The following NCK2 variants were observed in gnomAD, a reference collection of about 807,000 sequenced individuals.
NCK2 encodes NCK adaptor protein 2.
NCK2 carries 16 observed loss-of-function variants against 33.9 expected under a neutral mutation model. The ratio of observed to expected loss-of-function variants is 0.47; its 90% CI spans 0.32 to 0.72. NCK2 has a LOEUF of 0.72. Among genes scored for constraint, NCK2 ranks in the 30% least tolerant of loss-of-function variants. The pLI is 0.03. For missense variants in NCK2, 418 were observed against 537.3 expected (o/e 0.78, Z 2.19); for synonymous variants, 273 against 239.9 (o/e 1.14, Z -1.27).
At chr2:105,769,794 G>A (rs940590221) in intron 1 of NCK2, among the ~76,000 whole-genome samples, 1 of 115,018 alleles carries the variant, frequency 8.7e-6, no homozygotes. Flanking sequence ...TCAGTAAAAG[G>A]AGTTGTAGAA....
chr2:105,745,565 G>A (rs2104313543), intron 1 of NCK2, among the ~76,000 whole-genome samples: 1 of 152,304 alleles, frequency 6.6e-6, no homozygotes, highest in African/African-American at 2.4e-5. Flanking sequence ...AGGGTCGCCA[G>A]GGCGCGTGTG....
chr2:105,881,745 A>G lies in NCK2; in HGVS notation c.644A>G (p.Asn215Ser), dbSNP rs775361933. Reference sequence around the variant, plus strand: ...AGCTCAGTCACCGAGGAGGAGCTCAACTTCGAGAAGGGGGAGACCATGGAG... The same window carrying G: ...AGCTCAGTCACCGAGGAGGAGCTCAGCTTCGAGAAGGGGGAGACCATGGAG... ...PFSSVTEEEL[N>S]FEKGETMEVI... Residue 215 changes from asparagine to serine, a missense_variant, in exon 4 of 5, where the codon AAC (asparagine) becomes AGC (serine). Transcript: ENST00000233154. 11 of 1,614,066 alleles carry G rather than the reference A, an allele frequency of 6.8e-6. No individual in the cohort carries two copies. Among genetic ancestry groups the G allele is most frequent in the Non-Finnish European group, 6.8e-6 (8 of 1,180,032 alleles).
chr2:105,772,420 C>T (rs1282012195), intron 1 of NCK2, among the ~76,000 whole-genome samples: 1 of 152,082 alleles, frequency 6.6e-6, no homozygotes, highest in Middle Eastern at 3.2e-3. Flanking sequence ...GGAATGTGGG[C>T]ATAGTCCTGG....
Position 105,744,997 on chromosome 2 carries a change from T to G in NCK2, c.-342T>G, listed in dbSNP as rs1689220895. ...GCTCGCGGCGCCCGGGCCGGCAGGG[T>G]CCGCCCGGGCCGGCAGCGTCCGCCC... is the stretch of plus-strand genomic sequence containing the variant. On this transcript the variant is annotated 5_prime_UTR_variant, in exon 1 of 5. Coordinates refer to ENST00000233154, the MANE Select transcript of NCK2 (RefSeq NM_003581.5). The G allele has an allele frequency of 7.5e-6, 1 of 133,254 alleles. No individual in the cohort carries two copies. Among genetic ancestry groups the G allele is most frequent in the South Asian group, 2.2e-4 (1 of 4,502 alleles). The allele number at this position is 133,254 out of a possible 1,614,324, so 8.3% of individuals were successfully genotyped here.
intron 3 of NCK2, among the ~76,000 whole-genome samples, chr2:105,860,036 GT>G (rs1332971086): frequency 1.3e-5 from 2 of 152,198 alleles, no homozygotes; most frequent in Non-Finnish European, 2.9e-5. Flanking sequence ...TGTAATCCCA[GT>G]GCTTTGGGAG....
At chr2:105,802,241 G>A (rs143851031) in intron 1 of NCK2, among the ~76,000 whole-genome samples, 2 of 152,318 alleles carry the variant, frequency 1.3e-5, no homozygotes, top group African/African-American at 2.4e-5. Context: ...CCCTCTACCT[G>A]TACTCAGAAA....
chr2:105,818,480 C>G (rs1046459649), intron 2 of NCK2, among the ~76,000 whole-genome samples: 2 of 151,736 alleles, frequency 1.3e-5, no homozygotes, highest in Admixed American at 6.6e-5. Context: ...AAGATTTTTC[C>G]TGTACATCTT....
chr2:105,817,593 A>G (rs1440036856), intron 2 of NCK2, among the ~76,000 whole-genome samples: 1 of 152,200 alleles, frequency 6.6e-6, no homozygotes, highest in East Asian at 1.9e-4. Flanking sequence ...AAGAAAAAAA[A>G]CAACCCCATC....
intron 2 of NCK2, among the ~76,000 whole-genome samples, chr2:105,841,867 G>A (rs1279822070): frequency 1.3e-5 from 2 of 152,152 alleles, no homozygotes; most frequent in Non-Finnish European, 2.9e-5. Context: ...ATTAGAGGAT[G>A]GAAAAGAAAG....
intron 2 of NCK2, among the ~76,000 whole-genome samples, chr2:105,833,722 T>A (rs1676285734): frequency 6.6e-6 from 1 of 152,140 alleles, no homozygotes; most frequent in African/African-American, 2.4e-5. Context: ...TTCTACTAAT[T>A]TTGGGTTTGG....
At chr2:105,852,071 C>T (rs1013562898) in intron 2 of NCK2, among the ~76,000 whole-genome samples, 1 of 152,094 alleles carries the variant, frequency 6.6e-6, no homozygotes, top group East Asian at 1.9e-4. Context: ...TTGGAATAAG[C>T]CTATCAAAAT....
intron 2 of NCK2, chr2:105,848,590 A>G (rs1181099733): frequency 6.6e-6 from 1 of 152,176 alleles, no homozygotes; most frequent in Non-Finnish European, 1.5e-5. Context: ...AGCAGTGCAC[A>G]CGGCCTGCCT....
At chr2:105,757,956 G>C (rs1689645899) in intron 1 of NCK2, among the ~76,000 whole-genome samples, 3 of 143,008 alleles carry the variant, frequency 2.1e-5, no homozygotes, top group Admixed American at 2.1e-4. Flanking sequence ...CTGGGGTGAA[G>C]CACCTCTATT....
chr2:105,800,827 A>G (rs1431311045), intron 1 of NCK2, among the ~76,000 whole-genome samples: 3 of 152,214 alleles, frequency 2.0e-5, no homozygotes, highest in Non-Finnish European at 4.4e-5. Context: ...TTGAAGCTCA[A>G]CATGGGAAAA....
intron 2 of NCK2, among the ~76,000 whole-genome samples, chr2:105,845,085 T>C (rs1676804574): frequency 6.6e-6 from 1 of 152,128 alleles, no homozygotes; most frequent in Non-Finnish European, 1.5e-5. Context: ...AGGGGCTTTC[T>C]ATAATCCACT....
intron 3 of NCK2, 22 bp from the exon 4 acceptor site, chr2:105,881,306 G>A: frequency 6.4e-7 from 1 of 1,563,394 alleles, no homozygotes; most frequent in Non-Finnish European, 8.6e-7. Context: ...CTGCGCCACT[G>A]AGCCTTGCTG....
chr2:105,842,337 C>T (rs954262912), intron 2 of NCK2, among the ~76,000 whole-genome samples: 5 of 152,142 alleles, frequency 3.3e-5, no homozygotes, highest in Admixed American at 3.3e-4. Flanking sequence ...CTACCTGCCT[C>T]AGCCTCTCAA....
At chr2:105,833,000 CT>C (rs35726815) in intron 2 of NCK2, among the ~76,000 whole-genome samples, 65,140 of 131,982 alleles carry the variant, frequency 0.49, 15,298 homozygotes, top group African/African-American at 0.54. Flanking sequence ...TGTTGGGAGA[CT>C]TTTTTTTTTT....
intron 4 of NCK2, among the ~76,000 whole-genome samples, chr2:105,887,253 C>T (rs1358389818): frequency 6.6e-6 from 1 of 152,150 alleles, no homozygotes; most frequent in African/African-American, 2.4e-5. Flanking sequence ...TTGCCTCTAA[C>T]CCATTTGTTC....
Sources: allele counts gnomAD v4.1 joint callset (sites outside exome capture counted in the v4.1 genomes callset), GRCh38; gene constraint gnomAD v4.1.1; transcripts MANE v1.5; gene names NCBI Gene and HGNC (gene_info 2026-07-23, HGNC 2026-07-21).